The following SCAI variants were observed in gnomAD, a reference collection of about 807,000 sequenced individuals.
SCAI encodes suppressor of cancer cell invasion, also known as protein SCAI.
Under a neutral mutation model 92.2 loss-of-function variants are expected in SCAI, and 24 were observed. That is an observed-to-expected ratio of 0.26 (90% CI 0.19 to 0.37). SCAI has a LOEUF of 0.37. Ranked by LOEUF, SCAI falls within the 10% of genes least tolerant of loss-of-function variation. The probability of loss-of-function intolerance (pLI) is 1.00; values close to 1 mark genes in which losing one functional copy is unlikely to be tolerated. For synonymous variants in SCAI, 261 were observed against 258.6 expected, an observed-to-expected ratio of 1.01 and a Z score of -0.09; for missense variants, 450 against 736.2, an observed-to-expected ratio of 0.61 and a Z score of 4.50.
At chr9:124,996,191 C>G (rs930071588) in intron 13 of SCAI, among the ~76,000 whole-genome samples, 1 of 102,260 alleles carries the variant, frequency 9.8e-6, no homozygotes, top group Non-Finnish European at 1.8e-5. Flanking sequence ...CACCGTTACC[C>G]TTCGTGTGTG....
At chr9:125,044,401 T>C (rs1196597072) in intron 3 of SCAI, among the ~76,000 whole-genome samples, 1 of 152,064 alleles carries the variant, frequency 6.6e-6, no homozygotes. Context: ...TACCCACTCC[T>C]TTCTGCTGAG....
At chr9:125,137,135 C>T (rs1835555843) in intron 2 of SCAI, among the ~76,000 whole-genome samples, 1 of 152,110 alleles carries the variant, frequency 6.6e-6, no homozygotes, top group South Asian at 2.1e-4. Context: ...CTTAACTGTA[C>T]ATTTTGTTTT....
chr9:125,015,225 T>C (rs1390112456), intron 9 of SCAI, among the ~76,000 whole-genome samples: 8 of 152,000 alleles, frequency 5.3e-5, no homozygotes. Context: ...CAAAAGAAAC[T>C]ACCATCAGAA....
At chr9:125,005,426 C>A (rs62582239) in intron 9 of SCAI, among the ~76,000 whole-genome samples, 1 of 152,006 alleles carries the variant, frequency 6.6e-6, no homozygotes, top group Non-Finnish European at 1.5e-5. Flanking sequence ...CCGCCTCCCA[C>A]GTTCAAGTGA....
intron 2 of SCAI, among the ~76,000 whole-genome samples, chr9:125,073,288 T>G (rs1387596266): frequency 6.6e-6 from 1 of 150,570 alleles, no homozygotes; most frequent in Non-Finnish European, 1.5e-5. Context: ...GTATTTTTAG[T>G]AGAGACGGGG....
At chr9:125,018,348 G>A (rs752182357) in intron 9 of SCAI, among the ~76,000 whole-genome samples, 7 of 151,988 alleles carry the variant, frequency 4.6e-5, no homozygotes, top group Non-Finnish European at 7.4e-5. Context: ...TAACCACCTG[G>A]GCTTCCCAAA....
rs1831127816 is a variant in SCAI, at chr9:124,945,257, A to G, written c.*7550T>C. On this transcript the variant is annotated 3_prime_UTR_variant, in exon 18 of 18. Transcript: ENST00000336505. ...TGGTTAAAGTAGTCTGATAACTATT[A>G]AAAAGAATTTTTTTTAGGCCGGCCA... 1 of 152,214 alleles carries G rather than the reference A, an allele frequency of 6.6e-6. No homozygotes were observed. The highest frequency in any genetic ancestry group is 1.5e-5 in the Non-Finnish European group (1 of 68,042). 9.4% of individuals were successfully genotyped at this position (152,214 alleles called of 1,614,324 possible).
rs139081784 is a variant in SCAI at position 125,103,794 on chromosome 9, A to G, written c.98+38839T>C. 7.4e-3 allele frequency among the ~76,000 whole-genome samples: 1,120 copies of G among 152,336 alleles called. 55 individuals carry two copies. Among genetic ancestry groups the G allele is most frequent in the Admixed American group, 0.066 (1,011 of 15,300 alleles). On this transcript the variant is annotated intron_variant, in intron 2 of 17. Transcript: ENST00000336505. ...ACTTATAGGATAATTTAAGGTTAAC[A>G]TTCAAACTATACACTCTTGGCCTCT...
intron 3 of SCAI, among the ~76,000 whole-genome samples, chr9:125,042,535 C>G (rs1350296726): frequency 6.6e-6 from 1 of 151,520 alleles, no homozygotes. Flanking sequence ...TCTTGTAACT[C>G]TTTTTTCTGT....
intron 2 of SCAI, among the ~76,000 whole-genome samples, chr9:125,083,173 G>C (rs1242226734): frequency 6.6e-6 from 1 of 152,086 alleles, no homozygotes; most frequent in African/African-American, 2.4e-5. Flanking sequence ...GTTTTAAAAA[G>C]AGGAGTTCCC....
chr9:124,986,737 C>A (rs1207163593), intron 14 of SCAI, among the ~76,000 whole-genome samples: 6 of 152,088 alleles, frequency 3.9e-5, no homozygotes, highest in Admixed American at 3.9e-4. Flanking sequence ...TGCAGGACAG[C>A]AAAAACAAAA....
At chr9:125,110,040 G>T (rs1346145194) in intron 2 of SCAI, among the ~76,000 whole-genome samples, 1 of 152,150 alleles carries the variant, frequency 6.6e-6, no homozygotes, top group Non-Finnish European at 1.5e-5. Flanking sequence ...TTAAGACTCA[G>T]ATGATAGGAA....
intron 17 of SCAI, among the ~76,000 whole-genome samples, chr9:124,963,746 A>G (rs1197622443): frequency 1.5e-5 from 2 of 129,754 alleles, no homozygotes; most frequent in Admixed American, 8.2e-5. Flanking sequence ...CAACAGAGTG[A>G]GAATCTGTCT....
chr9:125,012,055 C>A lies in SCAI; in HGVS notation c.861+6744G>T, dbSNP rs190258547. ...AGCACTAAACATGGAAAGGAACAAC[C>A]GGTACTAGCCACTGCAAAATCATGC... On this transcript the variant is annotated intron_variant, in intron 9 of 17. Coordinates refer to ENST00000336505, the MANE Select transcript of SCAI (RefSeq NM_001144877.3). Among the ~76,000 whole-genome samples, 2 of 152,150 alleles carry A rather than the reference C, an allele frequency of 1.3e-5. 1 individual carries two copies. Among genetic ancestry groups the A allele is most frequent in the Admixed American group, 1.3e-4 (2 of 15,270 alleles).
chr9:125,031,851 G>C (rs563968673), intron 3 of SCAI, among the ~76,000 whole-genome samples: 130 of 152,044 alleles, frequency 8.6e-4, no homozygotes, highest in Non-Finnish European at 1.7e-3. Context: ...CACAAAAGTA[G>C]AGAGAACAGT....
Position 125,110,185 on chromosome 9 carries a change from T to C in SCAI, c.98+32448A>G, listed in dbSNP as rs80298089. Among the ~76,000 whole-genome samples the C allele has an allele frequency of 8.1e-3, 1,233 of 152,324 alleles. 20 individuals are homozygous for C. The highest frequency in any genetic ancestry group is 0.028 in the African/African-American group (1,156 of 41,550). On this transcript the variant is annotated intron_variant, in intron 2 of 17. Coordinates refer to ENST00000336505, the MANE Select transcript of SCAI (RefSeq NM_001144877.3). ...GTTTAAGATTGGAAAGTTTATTCAT[T>C]ATAAGATGTATGACCTTGAACAGAT...
chr9:125,024,693 G>T (rs1350244518), intron 6 of SCAI, among the ~76,000 whole-genome samples: 1 of 152,092 alleles, frequency 6.6e-6, no homozygotes, highest in Non-Finnish European at 1.5e-5. Flanking sequence ...AGGAAACTCT[G>T]TTCTTCCAGG....
At chr9:125,066,752 C>T (rs1410955789) in intron 2 of SCAI, among the ~76,000 whole-genome samples, 2 of 152,102 alleles carry the variant, frequency 1.3e-5, no homozygotes, top group African/African-American at 2.4e-5. Flanking sequence ...TGCGCCTGGC[C>T]TATTTATTTT....
At chr9:125,121,375 C>A (rs1033541380) in intron 2 of SCAI, among the ~76,000 whole-genome samples, 1 of 150,882 alleles carries the variant, frequency 6.6e-6, no homozygotes, top group Non-Finnish European at 1.5e-5. Context: ...TGACTAGAAA[C>A]CTGCCAAAGC....
Sources: allele counts gnomAD v4.1 joint callset (sites outside exome capture counted in the v4.1 genomes callset), GRCh38; gene constraint gnomAD v4.1.1; transcripts MANE v1.5; gene names NCBI Gene and HGNC (gene_info 2026-07-23, HGNC 2026-07-21).